WWP1: variants seen among roughly 807,000 people sequenced by gnomAD.
WWP1 encodes WW domain containing E3 ubiquitin protein ligase 1.
A neutral mutation model predicts 130.6 loss-of-function variants in WWP1; 49 were observed. The ratio of observed to expected loss-of-function variants is 0.38; its 90% CI spans 0.30 to 0.48. The LOEUF (loss-of-function observed/expected upper bound fraction) is 0.48. Ranked by LOEUF, WWP1 falls within the 20% of genes least tolerant of loss-of-function variation. The pLI, the probability that WWP1 is intolerant of heterozygous loss-of-function variation, is 0.99. For missense variants in WWP1, 809 were observed against 1,100.6 expected (o/e 0.74, Z 3.75); for synonymous variants, 332 against 367.8 (o/e 0.90, Z 1.11).
intron 1 of WWP1, among the ~76,000 whole-genome samples, chr8:86,357,609 CT>C (rs1330356762): frequency 2.6e-5 from 4 of 152,184 alleles, no homozygotes; most frequent in Non-Finnish European, 4.4e-5. Flanking sequence ...AGGACTTGCC[CT>C]GGCATTCTTG....
intron 9 of WWP1, among the ~76,000 whole-genome samples, chr8:86,424,025 G>A (rs1371192926): frequency 6.4e-5 from 9 of 140,172 alleles, no homozygotes; most frequent in South Asian, 2.4e-4. Context: ...GCTGCCGGGC[G>A]GAGACGCTCC....
intron 9 of WWP1, among the ~76,000 whole-genome samples, chr8:86,412,626 A>AC (rs1808649696): frequency 6.6e-6 from 1 of 152,158 alleles, no homozygotes; most frequent in African/African-American, 2.4e-5. Context: ...GTAGCTATTG[A>AC]AACTGCACTT....
chr8:86,416,070 GA>G (rs1808874912), intron 9 of WWP1, among the ~76,000 whole-genome samples: 1 of 152,202 alleles, frequency 6.6e-6, no homozygotes, highest in Admixed American at 6.5e-5. Context: ...AAAATTCTAG[GA>G]AGATAAGAAC....
At chr8:86,396,104 CTT>C (rs535762900) in intron 5 of WWP1, among the ~76,000 whole-genome samples, 5 of 144,646 alleles carry the variant, frequency 3.5e-5, no homozygotes, top group Admixed American at 6.9e-5. Context: ...TTGTAGTTTT[CTT>C]TTTTTTTTTT....
At chr8:86,391,241 G>C (rs1807321368) in intron 5 of WWP1, among the ~76,000 whole-genome samples, 1 of 152,146 alleles carries the variant, frequency 6.6e-6, no homozygotes, top group South Asian at 2.1e-4. Flanking sequence ...TATAAGCCCA[G>C]TTGGTTTATT....
Position 86,448,176 on chromosome 8 carries a change from C to T in WWP1, c.2027C>T (p.Thr676Ile). The T allele has an allele frequency of 1.9e-6, 3 of 1,560,516 alleles. No individual in the cohort carries two copies. The highest frequency in any genetic ancestry group is 1.4e-5 in the African/African-American group (1 of 71,512). Residue 676 changes from threonine (T) to isoleucine (I), a missense_variant, in exon 19 of 25, where the codon ACT becomes ATT. Physicochemically the swap from Thr to Ile is moderately conservative, Grantham distance 89. Transcript: ENST00000517970. ...CTATTTCATGGAAAGTTTATCGATACTGGTTTCTCTTTACCATTCTACAAG... is the reference window on the plus strand; with the variant it reads ...CTATTTCATGGAAAGTTTATCGATATTGGTTTCTCTTTACCATTCTACAAG... ...MALFHGKFID[T>I]GFSLPFYKRM...
intron 7 of WWP1, among the ~76,000 whole-genome samples, chr8:86,399,115 G>A (rs1807834060): frequency 6.6e-6 from 1 of 152,128 alleles, no homozygotes; most frequent in Non-Finnish European, 1.5e-5. Flanking sequence ...CATTTATGTT[G>A]CAGCATATAC....
chr8:86,445,538 A>G (rs979801567), intron 18 of WWP1, among the ~76,000 whole-genome samples: 88 of 152,166 alleles, frequency 5.8e-4, no homozygotes, highest in African/African-American at 1.9e-3. Context: ...ATAGTATTTC[A>G]TGGTGCTTAC....
chr8:86,418,895 T>C (rs1202571778), intron 9 of WWP1, among the ~76,000 whole-genome samples: 1 of 152,232 alleles, frequency 6.6e-6, no homozygotes, highest in African/African-American at 2.4e-5. Context: ...AGACTAACAG[T>C]ATCTTCTATT....
chr8:86,360,372 G>A (rs1235032048), intron 1 of WWP1, among the ~76,000 whole-genome samples: 7 of 152,136 alleles, frequency 4.6e-5, no homozygotes, highest in South Asian at 4.1e-4. Flanking sequence ...TTACCTTGGT[G>A]GAGTTGGTCA....
chr8:86,456,864 C>T (rs571156710), intron 21 of WWP1, among the ~76,000 whole-genome samples: 3 of 151,950 alleles, frequency 2.0e-5, no homozygotes, highest in Non-Finnish European at 2.9e-5. Flanking sequence ...TATGTGTATA[C>T]ACTATATATC....
chr8:86,448,593 C>G, intron 20 of WWP1, 80 bp downstream of exon 20: 1 of 1,345,200 alleles, frequency 7.4e-7, no homozygotes, highest in Non-Finnish European at 1.0e-6. Context: ...TAATTTCATC[C>G]CCTTTTCATG....
intron 3 of WWP1, among the ~76,000 whole-genome samples, chr8:86,377,482 G>A (rs1824731151): frequency 6.6e-6 from 1 of 151,878 alleles, no homozygotes. Context: ...TGTAAACCGA[G>A]GTTCTCTGCC....
intron 9 of WWP1, 25 bp from the exon 10 acceptor site, chr8:86,425,198 T>C (rs1426993088): frequency 1.3e-6 from 2 of 1,582,878 alleles, no homozygotes; most frequent in African/African-American, 1.4e-5. Flanking sequence ...TGTCTCTTAC[T>C]GTTATTTTTG....
At chr8:86,432,985 C>G (rs962390474) in intron 14 of WWP1, among the ~76,000 whole-genome samples, 3 of 152,160 alleles carry the variant, frequency 2.0e-5, no homozygotes, top group African/African-American at 7.2e-5. Flanking sequence ...CATAGTTTCT[C>G]CTTTAAACCA....
At chr8:86,385,374 G>A (rs1416577881) in intron 5 of WWP1, among the ~76,000 whole-genome samples, 2 of 152,120 alleles carry the variant, frequency 1.3e-5, no homozygotes, top group Admixed American at 6.5e-5. Context: ...AAAGTAGGCT[G>A]AGTTTTTAGG....
chr8:86,455,833 A>G (rs1811414117), intron 21 of WWP1, among the ~76,000 whole-genome samples: 1 of 152,088 alleles, frequency 6.6e-6, no homozygotes, highest in South Asian at 2.1e-4. Flanking sequence ...GAGAAAGGAC[A>G]GACTTGGAGG....
intron 7 of WWP1, among the ~76,000 whole-genome samples, chr8:86,399,912 G>T (rs897640345): frequency 6.6e-6 from 1 of 152,170 alleles, no homozygotes; most frequent in Non-Finnish European, 1.5e-5. Flanking sequence ...CAAGGGAAAG[G>T]AGGGTGGGAT....
chr8:86,455,104 T>C (rs2130765695), intron 21 of WWP1, among the ~76,000 whole-genome samples: 1 of 152,200 alleles, frequency 6.6e-6, no homozygotes, highest in Non-Finnish European at 1.5e-5. Flanking sequence ...AACATCTGTT[T>C]AATGCTTAAG....
Sources: allele counts gnomAD v4.1 joint callset (sites outside exome capture counted in the v4.1 genomes callset), GRCh38; gene constraint gnomAD v4.1.1; transcripts MANE v1.5; gene names NCBI Gene and HGNC (gene_info 2026-07-23, HGNC 2026-07-21).